The following PALS2 variants were observed in gnomAD, a reference collection of about 807,000 sequenced individuals.
The protein encoded by PALS2 is protein PALS2.
In PALS2, 27 loss-of-function variants were observed where a neutral mutation model predicts 61.6. The observed-to-expected ratio is 0.44, with a 90% CI of 0.32 to 0.60. The LOEUF (loss-of-function observed/expected upper bound fraction) is 0.60. Ranked by LOEUF, PALS2 falls within the 20% of genes least tolerant of loss-of-function variation. The pLI, the probability that PALS2 is intolerant of heterozygous loss-of-function variation, is 0.05. For synonymous variants in PALS2, 236 were observed against 218.6 expected, an observed-to-expected ratio of 1.08 and a Z score of -0.70; for missense variants, 554 against 639.4, an observed-to-expected ratio of 0.87 and a Z score of 1.44.
At chr7:24,677,429 A>G (rs1287035172) in intron 9 of PALS2, among the ~76,000 whole-genome samples, 1 of 151,754 alleles carries the variant, frequency 6.6e-6, no homozygotes, top group Non-Finnish European at 1.5e-5. Context: ...GTGGTGAGAG[A>G]GGGCATCCCT....
chr7:24,581,325 A>G (rs1782836833), intron 1 of PALS2, among the ~76,000 whole-genome samples: 2 of 151,504 alleles, frequency 1.3e-5, no homozygotes, highest in Non-Finnish European at 2.9e-5. Context: ...TGTGAAGGAC[A>G]CTTGTGAAGG....
intron 9 of PALS2, among the ~76,000 whole-genome samples, chr7:24,671,882 T>C (rs994417387): frequency 1.3e-5 from 2 of 151,894 alleles, no homozygotes; most frequent in Non-Finnish European, 2.9e-5. Flanking sequence ...AACCCTCAGT[T>C]CTGTTCCATT....
At chr7:24,609,949 G>A (rs1021824787) in intron 1 of PALS2, among the ~76,000 whole-genome samples, 3 of 152,028 alleles carry the variant, frequency 2.0e-5, no homozygotes, top group Admixed American at 6.6e-5. Flanking sequence ...TTTGTTTTAA[G>A]GCTTTAAATA....
chr7:24,672,698 G>C (rs1240614879), intron 9 of PALS2, among the ~76,000 whole-genome samples: 1 of 151,486 alleles, frequency 6.6e-6, no homozygotes, highest in East Asian at 1.9e-4. Flanking sequence ...TTTCCTTTTT[G>C]GATTGTTCCT....
At chr7:24,610,550 ATAG>A (rs1444616434) in intron 1 of PALS2, among the ~76,000 whole-genome samples, 3 of 152,174 alleles carry the variant, frequency 2.0e-5, no homozygotes, top group Non-Finnish European at 4.4e-5. Flanking sequence ...CAGTTTCAAG[ATAG>A]TAGTTTGAGA....
chr7:24,677,490 A>G (rs538015458), intron 9 of PALS2, among the ~76,000 whole-genome samples: 1 of 151,884 alleles, frequency 6.6e-6, no homozygotes, highest in East Asian at 1.9e-4. Flanking sequence ...CCCATTCAGT[A>G]TGATATTGGC....
intron 5 of PALS2, among the ~76,000 whole-genome samples, chr7:24,654,932 T>A (rs1052609137): frequency 6.6e-6 from 1 of 152,174 alleles, no homozygotes; most frequent in African/African-American, 2.4e-5. Context: ...GGAAAGGAGA[T>A]GATGCAATGA....
At chr7:24,622,845 G>A (rs1309151365) in intron 1 of PALS2, among the ~76,000 whole-genome samples, 1 of 151,764 alleles carries the variant, frequency 6.6e-6, no homozygotes, top group Non-Finnish European at 1.5e-5. Context: ...TTATCAGAGA[G>A]AAGAATTTCC....
intron 1 of PALS2, among the ~76,000 whole-genome samples, chr7:24,590,524 A>G (rs1247675269): frequency 2.6e-5 from 4 of 152,108 alleles, no homozygotes; most frequent in South Asian, 2.1e-4. Context: ...GGCTGTGATT[A>G]CTAATTCTCA....
intron 2 of PALS2, among the ~76,000 whole-genome samples, chr7:24,624,470 G>A (rs899807344): frequency 3.3e-5 from 5 of 151,954 alleles, no homozygotes; most frequent in Admixed American, 2.0e-4. Flanking sequence ...TTTGCTCTAT[G>A]AGAATGTTGA....
chr7:24,587,494 AGGT>A (rs1345904133), intron 1 of PALS2, among the ~76,000 whole-genome samples: 1 of 150,652 alleles, frequency 6.6e-6, no homozygotes, highest in Non-Finnish European at 1.5e-5. Flanking sequence ...CCTCCCAAGT[AGGT>A]GAGACTACAG....
In PALS2 at chr7:24,585,021, T is replaced by G. The variant is rs543369615; in HGVS notation, c.-3+11428T>G. Among the ~76,000 whole-genome samples, 49 of 152,124 alleles carry G rather than the reference T, an allele frequency of 3.2e-4. 1 individual carries two copies. Among genetic ancestry groups the G allele is most frequent in the Middle Eastern group, 3.4e-3 (1 of 294 alleles). On this transcript the variant is annotated intron_variant, in intron 1 of 11. Coordinates refer to ENST00000222644, the MANE Select transcript of PALS2 (RefSeq NM_001303037.2). ...GGCTCTGTTCTGTTCCATTGATCTA[T>G]ATCTCTGTTTTGGTACCAGTCCCAT...
At chr7:24,671,211 A>T (rs1787278981) in intron 9 of PALS2, among the ~76,000 whole-genome samples, 1 of 152,190 alleles carries the variant, frequency 6.6e-6, no homozygotes, top group Admixed American at 6.5e-5. Context: ...TTTTGATTGT[A>T]GTCATCCTAG....
intron 1 of PALS2, among the ~76,000 whole-genome samples, chr7:24,603,965 T>C (rs910500752): frequency 1.3e-5 from 2 of 151,760 alleles, no homozygotes; most frequent in Admixed American, 6.6e-5. Flanking sequence ...TCGGGAAAAA[T>C]AGTCAATAAA....
At chr7:24,686,405 C>T (rs1379599134) in intron 11 of PALS2, among the ~76,000 whole-genome samples, 1 of 152,148 alleles carries the variant, frequency 6.6e-6, no homozygotes, top group Non-Finnish European at 1.5e-5. Flanking sequence ...ACCCTTCACC[C>T]ATTCTGGTCT....
intron 1 of PALS2, among the ~76,000 whole-genome samples, chr7:24,591,922 A>G (rs1562602135): frequency 6.6e-6 from 1 of 152,148 alleles, no homozygotes; most frequent in African/African-American, 2.4e-5. Flanking sequence ...GAAACACTAG[A>G]TAGCACTTCA....
chr7:24,627,868 C>T (rs1472005494), intron 2 of PALS2, among the ~76,000 whole-genome samples: 3 of 151,726 alleles, frequency 2.0e-5, no homozygotes, highest in Admixed American at 6.6e-5. Flanking sequence ...CTGAAATAGA[C>T]AGTAATAATA....
chr7:24,668,550 C>A lies in PALS2; in HGVS notation c.1004C>A (p.Pro335His). The change falls in exon 9 of 12, where the codon CCC (proline) becomes CAC (histidine). Residue 335 changes from proline (P) to histidine (H), a missense_variant. Coordinates refer to ENST00000222644, the MANE Select transcript of PALS2 (RefSeq NM_001303037.2). ...QIYEEVAKMP[P>H]FQRKTLVLIG... is the part of the protein sequence containing the mutation. ...TATGAGGAGGTAGCCAAAATGCCTCCCTTCCAGAGAAAAACATTAGTATTG... is the reference window on the plus strand; with the variant it reads ...TATGAGGAGGTAGCCAAAATGCCTCACTTCCAGAGAAAAACATTAGTATTG... The A allele has an allele frequency of 6.2e-7, 1 of 1,613,634 alleles. No individual in the cohort carries two copies. The highest frequency in any genetic ancestry group is 8.5e-7 in the Non-Finnish European group (1 of 1,179,758).
chr7:24,576,724 A>T (rs1782654678), intron 1 of PALS2, among the ~76,000 whole-genome samples: 2 of 152,216 alleles, frequency 1.3e-5, no homozygotes, highest in South Asian at 4.1e-4. Context: ...GGATCTGGAA[A>T]GATCATCACT....
Sources: gnomAD v4.1 joint callset for allele counts (sites outside exome capture counted in the v4.1 genomes callset) on GRCh38, gnomAD v4.1.1 for gene constraint, MANE v1.5 for transcripts, NCBI Gene and HGNC (gene_info 2026-07-23, HGNC 2026-07-21) for gene names.